CBFA2T2: variants seen among roughly 807,000 people sequenced by gnomAD.
CBFA2T2 encodes the protein protein CBFA2T2.
In CBFA2T2, 11 loss-of-function variants were observed where a neutral mutation model predicts 62.2. The ratio of observed to expected loss-of-function variants is 0.18; its 90% CI spans 0.11 to 0.29. The LOEUF (loss-of-function observed/expected upper bound fraction) is 0.29. Ranked by LOEUF, CBFA2T2 falls within the 10% of genes least tolerant of loss-of-function variation. CBFA2T2 has a pLI of 1.00. For missense variants in CBFA2T2, 592 were observed against 774.1 expected, an observed-to-expected ratio of 0.76 and a Z score of 2.79; for synonymous variants, 295 against 287.5, an observed-to-expected ratio of 1.03 and a Z score of -0.27.
intron 3 of CBFA2T2, among the ~76,000 whole-genome samples, chr20:33,612,206 G>A (rs941931775): frequency 2.0e-5 from 3 of 152,124 alleles, no homozygotes; most frequent in Non-Finnish European, 4.4e-5. Context: ...GTGAACCTGT[G>A]GCATAAAGGA....
chr20:33,491,970 C>G (rs566135646), intron 1 of CBFA2T2, among the ~76,000 whole-genome samples: 3 of 151,918 alleles, frequency 2.0e-5, no homozygotes, highest in African/African-American at 7.3e-5. Context: ...AACCTCCCCC[C>G]GCCCCAGGTT....
chr20:33,547,484 C>T (rs904304769), intron 1 of CBFA2T2, among the ~76,000 whole-genome samples: 4 of 152,116 alleles, frequency 2.6e-5, no homozygotes, highest in Non-Finnish European at 5.9e-5. Flanking sequence ...AGGTGGATAG[C>T]TTGAGTCTAG....
chr20:33,606,306 CTA>C (rs2015337292), intron 1 of CBFA2T2, among the ~76,000 whole-genome samples: 2 of 152,192 alleles, frequency 1.3e-5, no homozygotes, highest in South Asian at 4.1e-4. Flanking sequence ...TTCTCAGCCA[CTA>C]TCTAAAGACT....
chr20:33,509,969 CT>C (rs2011478301), intron 1 of CBFA2T2, among the ~76,000 whole-genome samples: 1 of 152,008 alleles, frequency 6.6e-6, no homozygotes, highest in Admixed American at 6.6e-5. Flanking sequence ...ATCCTGCCCC[CT>C]GCCCCCCACC....
chr20:33,571,877 TTTTG>T (rs1205979236), intron 1 of CBFA2T2, among the ~76,000 whole-genome samples: 2 of 152,226 alleles, frequency 1.3e-5, no homozygotes, highest in East Asian at 1.9e-4. Flanking sequence ...TTTTCTTGTG[TTTTG>T]TTTGTTTGTT....
chr20:33,582,113 T>C (rs988970470), intron 1 of CBFA2T2, among the ~76,000 whole-genome samples: 1 of 152,190 alleles, frequency 6.6e-6, no homozygotes, highest in African/African-American at 2.4e-5. Context: ...ATGAACTCCT[T>C]GAAGGTTGGA....
chr20:33,625,631 C>T (rs1434959742), intron 6 of CBFA2T2, among the ~76,000 whole-genome samples: 2 of 152,242 alleles, frequency 1.3e-5, no homozygotes, highest in Non-Finnish European at 2.9e-5. Flanking sequence ...TTCTATAAAT[C>T]TGAGTTTATT....
At chr20:33,530,855 C>T (rs1036626824) in intron 1 of CBFA2T2, among the ~76,000 whole-genome samples, 54 of 152,056 alleles carry the variant, frequency 3.6e-4, no homozygotes, top group East Asian at 1.9e-4. Flanking sequence ...CCGAGGCGGG[C>T]GGATCATTTG....
chr20:33,502,303 A>G (rs1398570752), intron 1 of CBFA2T2, among the ~76,000 whole-genome samples: 1 of 152,194 alleles, frequency 6.6e-6, no homozygotes, highest in Non-Finnish European at 1.5e-5. Flanking sequence ...ATCCCCTTCA[A>G]GCTGGCTTTT....
intron 4 of CBFA2T2, among the ~76,000 whole-genome samples, chr20:33,620,559 G>A (rs969825038): frequency 1.4e-4 from 21 of 151,882 alleles, no homozygotes; most frequent in African/African-American, 5.1e-4. Context: ...AAGCCGCAAG[G>A]CCGGGTGTGG....
intron 8 of CBFA2T2, among the ~76,000 whole-genome samples, chr20:33,633,808 A>G (rs1447130094): frequency 2.0e-5 from 3 of 152,182 alleles, no homozygotes; most frequent in Non-Finnish European, 4.4e-5. Flanking sequence ...ATGGCTTGCC[A>G]TGACTTACCT....
chr20:33,512,648 A>G (rs997724907), intron 1 of CBFA2T2, among the ~76,000 whole-genome samples: 1 of 152,018 alleles, frequency 6.6e-6, no homozygotes, highest in Non-Finnish European at 1.5e-5. Flanking sequence ...CAGTCGGTCC[A>G]TTCTGCTGTT....
At chr20:33,629,648 TGGC>T (rs2016377728) in intron 7 of CBFA2T2, 68 bp from the exon 8 acceptor site, 2 of 1,361,862 alleles carry the variant, frequency 1.5e-6, no homozygotes, top group Admixed American at 2.2e-5. Context: ...CATATTGCGT[TGGC>T]CTGATTTACA....
At chr20:33,643,244 T>C (rs1429643781) in intron 10 of CBFA2T2, among the ~76,000 whole-genome samples, 1 of 152,208 alleles carries the variant, frequency 6.6e-6, no homozygotes, top group Admixed American at 6.5e-5. Flanking sequence ...TCTCCATCTC[T>C]GTTCAATGAG....
At chr20:33,594,509 C>T (rs1256620236) in intron 1 of CBFA2T2, among the ~76,000 whole-genome samples, 3 of 152,020 alleles carry the variant, frequency 2.0e-5, no homozygotes, top group African/African-American at 4.8e-5. Flanking sequence ...TGTGAGCCAC[C>T]GAGCCCGGCC....
At chr20:33,518,037 C>T (rs778923824) in intron 1 of CBFA2T2, among the ~76,000 whole-genome samples, 1 of 152,068 alleles carries the variant, frequency 6.6e-6, no homozygotes, top group East Asian at 1.9e-4. Flanking sequence ...CAACCTTCAC[C>T]TTCCAGGTTC....
intron 1 of CBFA2T2, among the ~76,000 whole-genome samples, chr20:33,585,002 G>T (rs1162993842): frequency 6.6e-6 from 1 of 152,158 alleles, no homozygotes; most frequent in Admixed American, 6.5e-5. Flanking sequence ...AGATGGAGAA[G>T]GGCTGGGGTT....
chr20:33,631,587 G>A (rs916652662), intron 8 of CBFA2T2, among the ~76,000 whole-genome samples: 28 of 152,182 alleles, frequency 1.8e-4, no homozygotes, highest in Admixed American at 1.7e-3. Context: ...TCTTGCTGGA[G>A]TCATTTAAAC....
intron 1 of CBFA2T2, among the ~76,000 whole-genome samples, chr20:33,542,808 A>T (rs892548966): frequency 9.2e-5 from 14 of 151,866 alleles, no homozygotes; most frequent in South Asian, 2.1e-4. Flanking sequence ...GGAAGCTGGG[A>T]CTACAGGCAT....
Sources: gnomAD v4.1 joint callset for allele counts (sites outside exome capture counted in the v4.1 genomes callset) on GRCh38, gnomAD v4.1.1 for gene constraint, MANE v1.5 for transcripts, NCBI Gene and HGNC (gene_info 2026-07-23, HGNC 2026-07-21) for gene names.